CRISPLD2: variants seen among roughly 807,000 people sequenced by gnomAD.
CRISPLD2 encodes the protein cysteine rich secretory protein LCCL domain containing 2, also known as cysteine-rich secretory protein LCCL domain-containing 2.
CRISPLD2 carries 47 observed loss-of-function variants against 71.1 expected under a neutral mutation model. The ratio of observed to expected loss-of-function variants is 0.66; its 90% CI spans 0.52 to 0.84. The LOEUF is 0.84. CRISPLD2 is among the 40% of genes least tolerant of loss of function. The pLI is 0.00. For missense variants in CRISPLD2, 830 were observed against 651.1 expected, an observed-to-expected ratio of 1.27 and a Z score of -2.99; for synonymous variants, 317 against 250.1, an observed-to-expected ratio of 1.27 and a Z score of -2.52.
In CRISPLD2 at chr16:84,892,693, C is replaced by T. The variant is rs374634411; in HGVS notation, c.1439+3330C>T. Among the ~76,000 whole-genome samples the T allele has an allele frequency of 1.3e-4, 20 of 152,128 alleles. 1 individual carries two copies. Among genetic ancestry groups the T allele is most frequent in the Admixed American group, 5.9e-4 (9 of 15,262 alleles). ...TATTATTTTGCTACTAAGAGTCATT[C>T]AGCCAGGCGTGGTGGCTCACACCTG... On this transcript the variant is annotated intron_variant, in intron 14 of 14. Coordinates refer to ENST00000262424, the MANE Select transcript of CRISPLD2 (RefSeq NM_031476.4).
intron 13 of CRISPLD2, among the ~76,000 whole-genome samples, chr16:84,881,636 T>TC (rs1433697624): frequency 6.6e-6 from 1 of 151,548 alleles, no homozygotes; most frequent in African/African-American, 2.4e-5. Flanking sequence ...AGCTAATGTT[T>TC]TTTATTTTTT....
intron 1 of CRISPLD2, among the ~76,000 whole-genome samples, chr16:84,837,047 C>T (rs573617522): frequency 4.6e-4 from 70 of 152,312 alleles, no homozygotes; most frequent in Non-Finnish European, 1.2e-4. Flanking sequence ...TCTTCATCTT[C>T]GCATCCCCAG....
At chr16:84,841,749 C>T (rs373630944) in intron 2 of CRISPLD2, among the ~76,000 whole-genome samples, 17 of 152,182 alleles carry the variant, frequency 1.1e-4, no homozygotes, top group Admixed American at 1.1e-3. Flanking sequence ...GTGCCCACCA[C>T]CATGGCCAGC....
At chr16:84,859,142 A>G (rs566702311) in intron 6 of CRISPLD2, among the ~76,000 whole-genome samples, 163 of 152,248 alleles carry the variant, frequency 1.1e-3, no homozygotes, top group African/African-American at 3.7e-3. Context: ...CCACCATAAT[A>G]GCCCTCCCTT....
At chr16:84,866,619 A>G (rs911356519) in intron 6 of CRISPLD2, among the ~76,000 whole-genome samples, 1 of 152,072 alleles carries the variant, frequency 6.6e-6, no homozygotes, top group Non-Finnish European at 1.5e-5. Flanking sequence ...ATGATAACCC[A>G]GGTGTGGGCG....
At position 84,908,258 on chromosome 16, in the gene CRISPLD2, C is replaced by T. The variant is rs2071822329; in HGVS notation, c.*1616C>T. ...CAGTTCAACTCTTAGCTTGACTGAG[C>T]TAAAATTCACAGGACTACGTGCTTT... On this transcript the variant is annotated 3_prime_UTR_variant, in exon 15 of 15. Coordinates refer to ENST00000262424, the MANE Select transcript of CRISPLD2 (RefSeq NM_031476.4). 6.6e-6 allele frequency: 1 copy of T among 152,200 alleles called. No individual in the cohort carries two copies. Among genetic ancestry groups the T allele is most frequent in the Admixed American group, 6.5e-5 (1 of 15,282 alleles). 9.4% of individuals were successfully genotyped at this position (152,200 alleles called of 1,614,324 possible).
rs181187724 is a variant in CRISPLD2, at chr16:84,883,800, T to C, written c.1305+3216T>C. Among the ~76,000 whole-genome samples, 160 of 152,176 alleles carry C rather than the reference T, an allele frequency of 1.1e-3. 1 individual carries two copies. Among genetic ancestry groups the C allele is most frequent in the East Asian group, 8.1e-3 (42 of 5,176 alleles). ...TGTCTTGACTGACGCCTACTGAGCA[T>C]GTGCTGTGTGCCATCCTGCGTTAAG... On this transcript the variant is annotated intron_variant, in intron 13 of 14. Coordinates refer to ENST00000262424, the MANE Select transcript of CRISPLD2 (RefSeq NM_031476.4).
intron 8 of CRISPLD2, among the ~76,000 whole-genome samples, chr16:84,870,779 C>T (rs1326046488): frequency 2.0e-5 from 3 of 152,120 alleles, no homozygotes; most frequent in Non-Finnish European, 4.4e-5. Context: ...ACAGTTGCGG[C>T]CAGGTACGGT....
intron 10 of CRISPLD2, chr16:84,873,586 A>G (rs1037425002): frequency 1.5e-5 from 4 of 260,478 alleles, no homozygotes; most frequent in Non-Finnish European, 2.8e-5. Context: ...GATATTAATA[A>G]TAACTTCTTT....
At chr16:84,826,778 C>G (rs1416138112) in intron 1 of CRISPLD2, among the ~76,000 whole-genome samples, 2 of 152,200 alleles carry the variant, frequency 1.3e-5, no homozygotes, top group Non-Finnish European at 2.9e-5. Context: ...GGCCCCACCG[C>G]CAGCTGGACT....
chr16:84,896,922 T>C (rs377602237), intron 14 of CRISPLD2, among the ~76,000 whole-genome samples: 8 of 152,250 alleles, frequency 5.3e-5, no homozygotes, highest in African/African-American at 1.9e-4. Context: ...GCAGCTTCCC[T>C]GTCTGCCTCT....
chr16:84,897,632 G>A (rs887458495), intron 14 of CRISPLD2, among the ~76,000 whole-genome samples: 3 of 151,982 alleles, frequency 2.0e-5, no homozygotes, highest in South Asian at 4.2e-4. Flanking sequence ...TGTTTGAGAC[G>A]GAGTTTCAGA....
At chr16:84,877,323 C>A in intron 11 of CRISPLD2, 115 bp from the exon 12 acceptor site, 1 of 895,932 alleles carries the variant, frequency 1.1e-6, no homozygotes, top group Non-Finnish European at 1.8e-6. Context: ...CAGCTCTATT[C>A]AAGGGCCCAG....
At chr16:84,862,806 G>A (rs539761573) in intron 6 of CRISPLD2, among the ~76,000 whole-genome samples, 1 of 151,892 alleles carries the variant, frequency 6.6e-6, no homozygotes, top group East Asian at 1.9e-4. Context: ...GGTGGGTTCT[G>A]GAGTGAAGAA....
At chr16:84,833,817 CAG>C (rs1916548420) in intron 1 of CRISPLD2, among the ~76,000 whole-genome samples, 1 of 152,234 alleles carries the variant, frequency 6.6e-6, no homozygotes, top group African/African-American at 2.4e-5. Context: ...TTCTCATCAA[CAG>C]AGGCACCACG....
In CRISPLD2 at chr16:84,867,400, A is replaced by G. The variant is rs78832782; in HGVS notation, c.853+360A>G. Reference sequence around the variant, plus strand: ...AGGCAGCGTCCAGCCTGGCTCTGGAAGGTTCCACTCCTTTCTCACCAGGTC... The same window carrying G: ...AGGCAGCGTCCAGCCTGGCTCTGGAGGGTTCCACTCCTTTCTCACCAGGTC... On this transcript the variant is annotated intron_variant, in intron 7 of 14. Coordinates refer to ENST00000262424, the MANE Select transcript of CRISPLD2 (RefSeq NM_031476.4). Among the ~76,000 whole-genome samples, 1,375 of 152,246 alleles carry G rather than the reference A, an allele frequency of 9.0e-3. 23 individuals carry two copies. Among genetic ancestry groups the G allele is most frequent in the African/African-American group, 0.032 (1,319 of 41,552 alleles).
At chr16:84,835,617 A>C (rs924432180) in intron 1 of CRISPLD2, among the ~76,000 whole-genome samples, 3 of 152,148 alleles carry the variant, frequency 2.0e-5, no homozygotes, top group Admixed American at 2.0e-4. Context: ...GGTGCACATG[A>C]GGGCACTTGG....
At chr16:84,826,254 C>A (rs923982780) in intron 1 of CRISPLD2, among the ~76,000 whole-genome samples, 2 of 152,224 alleles carry the variant, frequency 1.3e-5, no homozygotes, top group Non-Finnish European at 2.9e-5. Context: ...GAAAGACCAC[C>A]TCCCTCCAAA....
intron 11 of CRISPLD2, 100 bp downstream of exon 11, chr16:84,874,063 C>A: frequency 2.8e-6 from 3 of 1,080,672 alleles, no homozygotes; most frequent in Admixed American, 2.3e-5. Flanking sequence ...GTTTATCATG[C>A]GTGTGAACAT....
Sources: allele counts gnomAD v4.1 joint callset (sites outside exome capture counted in the v4.1 genomes callset), GRCh38; gene constraint gnomAD v4.1.1; transcripts MANE v1.5; gene names NCBI Gene and HGNC (gene_info 2026-07-23, HGNC 2026-07-21).